MYO5A: variants seen among roughly 807,000 people sequenced by gnomAD.
The protein encoded by MYO5A is myosin VA.
In MYO5A, 98 loss-of-function variants were observed where a neutral mutation model predicts 249.7. The ratio of observed to expected loss-of-function variants is 0.39; its 90% confidence interval spans 0.33 to 0.46. The LOEUF is 0.46. Ranked by LOEUF, MYO5A falls within the 20% of genes least tolerant of loss-of-function variation. The pLI is 0.98. For missense variants in MYO5A, 1,696 were observed against 2,308.8 expected (o/e 0.73, Z 5.44); for synonymous variants, 778 against 810.6 (o/e 0.96, Z 0.68).
intron 36 of MYO5A, among the ~76,000 whole-genome samples, chr15:52,327,233 ATTG>A (rs1195864165): frequency 2.0e-5 from 3 of 152,238 alleles, no homozygotes; most frequent in Non-Finnish European, 2.9e-5. Flanking sequence ...TCTACTAAAT[ATTG>A]TTTAGTTCTA....
chr15:52,437,723 G>A (rs1225640079), intron 1 of MYO5A, among the ~76,000 whole-genome samples: 1 of 152,078 alleles, frequency 6.6e-6, no homozygotes, highest in African/African-American at 2.4e-5. Flanking sequence ...ACTGACCAGT[G>A]CCTAAACATG....
Position 52,319,559 on chromosome 15 carries a change from C to T in MYO5A, c.4952-217G>A, listed in dbSNP as rs7167181. Among the ~76,000 whole-genome samples the T allele has an allele frequency of 0.086, 13,144 of 152,020 alleles. 1,759 individuals carry two copies. The highest frequency in any genetic ancestry group is 0.29 in the African/African-American group (11,981 of 41,406). On this transcript the variant is annotated intron_variant, in intron 38 of 41. Transcript: ENST00000399233. The stretch of plus-strand genomic sequence containing the variant: ...CAGCCTGGCCAACATAAGGAAACCC[C>T]GTCTCTATTGAAAATACAAAAATTA...
At position 52,337,857 on chromosome 15, in the gene MYO5A, G is replaced by C; in HGVS notation, c.4267C>G (p.Pro1423Ala). The C allele has an allele frequency of 6.5e-7, 1 of 1,544,896 alleles. No individual in the cohort carries two copies. Among genetic ancestry groups the C allele is most frequent in the Admixed American group, 2.0e-5 (1 of 50,780 alleles). ...ATCCGATATGATTGATACTTCTTAG[G>C]GTCATCTGCATATAATTCCTCAAAA... ...LYFEELYADD[P>A]KKYQSYRISL... The change falls in exon 33 of 42, where the codon CCT (proline) becomes GCT (alanine). Residue 1423 changes from proline (P) to alanine (A), a missense_variant. Physicochemically the swap from Pro to Ala is conservative, Grantham distance 27 (BLOSUM62 -1). Around this residue, in one of 5 missense-constraint regions of MYO5A, gnomAD observed 625 missense variants for 908.1 expected, o/e 0.69. Coordinates refer to ENST00000399233, the MANE Select transcript of MYO5A (RefSeq NM_001382347.1).
intron 1 of MYO5A, among the ~76,000 whole-genome samples, chr15:52,458,465 C>A (rs1431343366): frequency 6.6e-6 from 1 of 151,634 alleles, no homozygotes; most frequent in African/African-American, 2.4e-5. Flanking sequence ...ACAAAAAATA[C>A]AAATATTAGC....
intron 1 of MYO5A, among the ~76,000 whole-genome samples, chr15:52,442,819 G>A (rs1280574400): frequency 2.7e-5 from 4 of 148,802 alleles, no homozygotes; most frequent in African/African-American, 7.4e-5. Context: ...GCAGTGGCAC[G>A]ATCTCGGCTC....
chr15:52,385,998 A>C (rs2041957421), intron 14 of MYO5A, among the ~76,000 whole-genome samples: 1 of 152,224 alleles, frequency 6.6e-6, no homozygotes, highest in African/African-American at 2.4e-5. Flanking sequence ...ATCAGAATAA[A>C]GATAACTGAT....
Position 52,311,303 on chromosome 15 carries a change from G to C in MYO5A, c.*2393C>G, listed in dbSNP as rs1357524103. On this transcript the variant is annotated 3_prime_UTR_variant, in exon 42 of 42. Coordinates refer to ENST00000399233, the MANE Select transcript of MYO5A (RefSeq NM_001382347.1). ...CTGGGAGATTTCCAGGGCTGAGGCG[G>C]ACAGCCTGTACCACGTTGCATTTTC... 1.3e-5 allele frequency: 2 copies of C among 152,232 alleles called. No homozygotes were observed. Among genetic ancestry groups the C allele is most frequent in the Admixed American group, 6.5e-5 (1 of 15,290 alleles). 9.4% of individuals were successfully genotyped at this position (152,232 alleles called of 1,614,324 possible).
chr15:52,418,789 T>C (rs185519074), intron 4 of MYO5A, among the ~76,000 whole-genome samples: 1 of 152,078 alleles, frequency 6.6e-6, no homozygotes, highest in Admixed American at 6.5e-5. Context: ...GGGGAGGGTG[T>C]CTGTTAGCCT....
At chr15:52,481,732 G>A (rs1022420771) in intron 1 of MYO5A, among the ~76,000 whole-genome samples, 3 of 152,162 alleles carry the variant, frequency 2.0e-5, no homozygotes, top group Non-Finnish European at 4.4e-5. Context: ...AAATACACAT[G>A]AGGAATAACA....
chr15:52,489,250 A>C (rs1182528391), intron 1 of MYO5A, among the ~76,000 whole-genome samples: 4 of 152,204 alleles, frequency 2.6e-5, no homozygotes, highest in Non-Finnish European at 4.4e-5. Context: ...CAATAAAAGA[A>C]AAAGGTAAAT....
intron 36 of MYO5A, among the ~76,000 whole-genome samples, chr15:52,327,562 C>T (rs374310255): frequency 6.6e-6 from 1 of 152,078 alleles, no homozygotes; most frequent in Non-Finnish European, 1.5e-5. Context: ...AAAAAATTAG[C>T]TGGGCATGGT....
intron 1 of MYO5A, among the ~76,000 whole-genome samples, chr15:52,434,438 G>A (rs915805595): frequency 2.6e-5 from 4 of 152,186 alleles, no homozygotes; most frequent in African/African-American, 7.2e-5. Flanking sequence ...GAAGAAACAC[G>A]GTTGTTCAGC....
chr15:52,404,401 T>C (rs920563773), intron 9 of MYO5A, among the ~76,000 whole-genome samples: 1 of 151,592 alleles, frequency 6.6e-6, no homozygotes, highest in Admixed American at 6.6e-5. Flanking sequence ...ACACAAGAAA[T>C]AGATTCTTTT....
chr15:52,460,654 C>CATGCGA (rs1420683694), intron 1 of MYO5A, among the ~76,000 whole-genome samples: 1 of 143,682 alleles, frequency 7.0e-6, no homozygotes, highest in Non-Finnish European at 1.6e-5. Flanking sequence ...AGACGAGGAC[C>CATGCGA]GTGCGAGGGC....
Position 52,351,405 on chromosome 15 carries a change from C to T in MYO5A, c.3698G>A (p.Ser1233Asn), listed in dbSNP as rs750146386. The change falls in exon 28 of 42, where the codon AGT (serine) becomes AAT (asparagine). Residue 1233 changes from serine (S) to asparagine (N), a missense_variant. By Grantham distance (46) the Ser-to-Asn change is conservative. Around this residue, in one of 5 missense-constraint regions of MYO5A, gnomAD observed 625 missense variants for 908.1 expected, o/e 0.69. Coordinates refer to ENST00000399233, the MANE Select transcript of MYO5A (RefSeq NM_001382347.1). Reference sequence around the variant, plus strand: ...ACCTGGGGCGGTCACCTCTGGGGCACTTTTCTCACTGAGGGCCTTGCGCAA... The same window carrying T: ...ACCTGGGGCGGTCACCTCTGGGGCATTTTTCTCACTGAGGGCCTTGCGCAA... ...NELRKALSEK[S>N]APEVTAPGAP... The T allele has an allele frequency of 1.2e-5, 19 of 1,614,196 alleles. No individual in the cohort carries two copies. The South Asian group carries it at 2.1e-4, about 18-fold the overall frequency.
intron 20 of MYO5A, among the ~76,000 whole-genome samples, chr15:52,374,522 G>A (rs2041298557): frequency 6.6e-6 from 1 of 152,194 alleles, no homozygotes; most frequent in Non-Finnish European, 1.5e-5. Flanking sequence ...TCAGATGGGA[G>A]GATTATCCTG....
intron 1 of MYO5A, among the ~76,000 whole-genome samples, chr15:52,498,042 A>AG (rs2077077857): frequency 6.6e-6 from 1 of 152,150 alleles, no homozygotes; most frequent in Non-Finnish European, 1.5e-5. Flanking sequence ...CCAAGAAGCT[A>AG]CAAAAAGAAT....
intron 1 of MYO5A, among the ~76,000 whole-genome samples, chr15:52,437,578 G>C: frequency 8.4e-6 from 1 of 118,362 alleles, no homozygotes; most frequent in Middle Eastern, 7.2e-3. Context: ...CTGGGCAACA[G>C]AGCAAGACTC....
At chr15:52,518,284 A>G (rs1481958221) in intron 1 of MYO5A, among the ~76,000 whole-genome samples, 9 of 124,010 alleles carry the variant, frequency 7.3e-5, no homozygotes, top group African/African-American at 2.2e-4. Context: ...AAAAAAAAAA[A>G]AAGAATTATC....
Sources: allele counts gnomAD v4.1 joint callset (sites outside exome capture counted in the v4.1 genomes callset), GRCh38; gene constraint gnomAD v4.1.1; regional missense constraint gnomAD v4.1.1; transcripts MANE v1.5; gene names NCBI Gene and HGNC (gene_info 2026-07-23, HGNC 2026-07-21).